The following SGCZ variants were observed in gnomAD, a reference collection of about 807,000 sequenced individuals.
SGCZ encodes the protein sarcoglycan zeta, also known as zeta-sarcoglycan.
A neutral mutation model predicts 41.3 loss-of-function variants in SGCZ; 40 were observed. The ratio of observed to expected loss-of-function variants is 0.97; its 90% confidence interval spans 0.75 to 1.26. The LOEUF is 1.26. Ranked by LOEUF, SGCZ falls within the 50% of genes most tolerant of loss-of-function variation. The pLI is 0.00. For missense variants in SGCZ, 552 were observed against 369.8 expected, an observed-to-expected ratio of 1.49 and a Z score of -4.04; for synonymous variants, 206 against 137.5, an observed-to-expected ratio of 1.50 and a Z score of -3.49.
chr8:14,718,539 C>G (rs1790825493), intron 1 of SGCZ, among the ~76,000 whole-genome samples: 1 of 152,034 alleles, frequency 6.6e-6, no homozygotes, highest in Non-Finnish European at 1.5e-5. Flanking sequence ...AAATCCTCAA[C>G]TAATGGCTGT....
chr8:14,710,369 CAAAAAAAAAA>C (rs770994264), intron 1 of SGCZ, among the ~76,000 whole-genome samples: 1 of 92,432 alleles, frequency 1.1e-5, no homozygotes, highest in Non-Finnish European at 2.2e-5. Flanking sequence ...GACTCCGCAT[CAAAAAAAAAA>C]AAAAAAAAAA....
At chr8:14,790,292 G>A (rs566774892) in intron 1 of SGCZ, among the ~76,000 whole-genome samples, 7 of 152,138 alleles carry the variant, frequency 4.6e-5, no homozygotes, top group Admixed American at 1.3e-4. Flanking sequence ...TCAAATATAC[G>A]TAAATTAAAA....
chr8:14,376,643 A>G, intron 2 of SGCZ, among the ~76,000 whole-genome samples: 1 of 152,008 alleles, frequency 6.6e-6, no homozygotes, highest in South Asian at 2.1e-4. Flanking sequence ...CATAGAAGCT[A>G]AAAAAAAGGA....
intron 2 of SGCZ, among the ~76,000 whole-genome samples, chr8:14,401,576 T>C (rs997761147): frequency 1.7e-4 from 25 of 151,002 alleles, no homozygotes; most frequent in Non-Finnish European, 3.1e-4. Context: ...CTGAGAATGA[T>C]GATTTCCAAT....
chr8:14,963,602 C>T (rs1174974767), intron 1 of SGCZ, among the ~76,000 whole-genome samples: 1 of 152,126 alleles, frequency 6.6e-6, no homozygotes, highest in Non-Finnish European at 1.5e-5. Flanking sequence ...CCCGCCTCAG[C>T]CTCTCAAAGT....
intron 1 of SGCZ, among the ~76,000 whole-genome samples, chr8:14,901,727 C>G (rs1364025217): frequency 6.6e-6 from 1 of 152,058 alleles, no homozygotes; most frequent in East Asian, 1.9e-4. Flanking sequence ...AAAGCTGTGT[C>G]AAGCAACGTA....
chr8:14,531,391 A>T (rs1020529735), intron 2 of SGCZ, among the ~76,000 whole-genome samples: 5 of 151,854 alleles, frequency 3.3e-5, no homozygotes, highest in Non-Finnish European at 7.4e-5. Flanking sequence ...ACAAGACTAG[A>T]AATTGAAACT....
At chr8:14,788,207 GGTCT>G (rs1800834253) in intron 1 of SGCZ, among the ~76,000 whole-genome samples, 1 of 152,016 alleles carries the variant, frequency 6.6e-6, no homozygotes, top group East Asian at 1.9e-4. Context: ...TATCTGTCAA[GGTCT>G]CTAGAATAAA....
intron 5 of SGCZ, among the ~76,000 whole-genome samples, chr8:14,132,986 G>C (rs1322284048): frequency 6.6e-6 from 1 of 152,014 alleles, no homozygotes; most frequent in Admixed American, 6.6e-5. Context: ...AGATTTCCTT[G>C]AATGCTAGGA....
At chr8:15,024,584 A>G (rs549115798) in intron 1 of SGCZ, among the ~76,000 whole-genome samples, 1 of 152,222 alleles carries the variant, frequency 6.6e-6, no homozygotes, top group Admixed American at 6.5e-5. Context: ...GATAAAAGAA[A>G]AAGTAGAGCA....
intron 2 of SGCZ, among the ~76,000 whole-genome samples, chr8:14,387,711 T>C (rs1005562836): frequency 1.3e-5 from 2 of 151,972 alleles, no homozygotes; most frequent in East Asian, 3.8e-4. Flanking sequence ...AAAAAGTACA[T>C]TAATCAATTA....
intron 3 of SGCZ, among the ~76,000 whole-genome samples, chr8:14,253,014 G>A (rs1585283055): frequency 6.6e-6 from 1 of 152,118 alleles, no homozygotes; most frequent in South Asian, 2.1e-4. Flanking sequence ...TGGATGCGAC[G>A]TCCTCATTAG....
intron 4 of SGCZ, among the ~76,000 whole-genome samples, chr8:14,229,391 G>A (rs909069660): frequency 5.3e-5 from 8 of 151,824 alleles, no homozygotes; most frequent in African/African-American, 1.7e-4. Context: ...TTTCTAAAGC[G>A]TGACATCCTT....
chr8:14,769,793 T>TAAAAAAAAAAAAAAA (rs565416806), intron 1 of SGCZ, among the ~76,000 whole-genome samples: 167 of 52,024 alleles, frequency 3.2e-3, no homozygotes, highest in Non-Finnish European at 3.9e-3. Context: ...AAAACACCAT[T>TAAAAAAAAAAAAAAA]AAAAAAAAAA....
chr8:14,377,778 TG>T lies in SGCZ; in HGVS notation c.235-53575del, dbSNP rs937076127. On this transcript the variant is annotated intron_variant, in intron 2 of 7. Coordinates refer to ENST00000382080, the MANE Select transcript of SGCZ (RefSeq NM_139167.4). ...CCCACCTATGAGTGAGAATATGCGGTGTTTGGTTTTTTGTTCTTGCGATAGT... is the reference window on the plus strand; with the variant it reads ...CCCACCTATGAGTGAGAATATGCGGTTTTGGTTTTTTGTTCTTGCGATAGT... 8.9e-4 allele frequency among the ~76,000 whole-genome samples: 134 copies of T among 150,170 alleles called. 1 individual carries two copies. The highest frequency in any genetic ancestry group is 3.0e-3 in the African/African-American group (124 of 40,788).
chr8:14,801,234 A>C (rs189933176), intron 1 of SGCZ, among the ~76,000 whole-genome samples: 1 of 152,292 alleles, frequency 6.6e-6, no homozygotes. Context: ...CAGAGAAGAT[A>C]AACAGAAATT....
chr8:14,368,333 A>G (rs1390867552), intron 2 of SGCZ, among the ~76,000 whole-genome samples: 1 of 152,070 alleles, frequency 6.6e-6, no homozygotes, highest in Non-Finnish European at 1.5e-5. Flanking sequence ...TATTTAGAAG[A>G]GATTCATATT....
At chr8:14,314,390 T>C (rs138069024) in intron 3 of SGCZ, among the ~76,000 whole-genome samples, 1 of 152,012 alleles carries the variant, frequency 6.6e-6, no homozygotes, top group African/African-American at 2.4e-5. Flanking sequence ...AAAATACAGA[T>C]TTTTTTTCTG....
At chr8:14,268,457 A>C (rs1451825480) in intron 3 of SGCZ, among the ~76,000 whole-genome samples, 1 of 151,620 alleles carries the variant, frequency 6.6e-6, no homozygotes, top group Non-Finnish European at 1.5e-5. Context: ...CTGGCATTCA[A>C]ATAGTTAATA....
Sources: gnomAD v4.1 joint callset for allele counts (sites outside exome capture counted in the v4.1 genomes callset) on GRCh38, gnomAD v4.1.1 for gene constraint, MANE v1.5 for transcripts, NCBI Gene and HGNC (gene_info 2026-07-23, HGNC 2026-07-21) for gene names.